RBFOX1: variants seen among roughly 807,000 people sequenced by gnomAD.
The protein encoded by RBFOX1 is RNA binding protein fox-1 homolog 1.
A neutral mutation model predicts 57.7 loss-of-function variants in RBFOX1; 8 were observed. The ratio of observed to expected loss-of-function variants is 0.14; its 90% CI spans 0.08 to 0.25. RBFOX1 has a LOEUF of 0.25. Among genes scored for constraint, RBFOX1 ranks in the 10% least tolerant of loss-of-function variants. The probability of loss-of-function intolerance (pLI) is 1.00; values close to 1 mark genes in which losing one functional copy is unlikely to be tolerated. For missense variants in RBFOX1, 611 were observed against 548.5 expected (o/e 1.11, Z -1.14); for synonymous variants, 326 against 222.4 (o/e 1.47, Z -4.15).
intron 4 of RBFOX1, among the ~76,000 whole-genome samples, chr16:7,413,007 A>G (rs1364572297): frequency 2.6e-5 from 4 of 152,316 alleles, no homozygotes; most frequent in African/African-American, 7.2e-5. Flanking sequence ...ACGCCACTGC[A>G]CTCCAGCCCG....
At chr16:5,702,304 T>C (rs1006818964) in intron 3 of RBFOX1, among the ~76,000 whole-genome samples, 2 of 152,170 alleles carry the variant, frequency 1.3e-5, no homozygotes, top group African/African-American at 4.8e-5. Flanking sequence ...CAAAAGGGGA[T>C]GTGCCCCACA....
At chr16:6,924,851 C>G (rs1166152707) in intron 3 of RBFOX1, among the ~76,000 whole-genome samples, 1 of 125,722 alleles carries the variant, frequency 8.0e-6, no homozygotes, top group Admixed American at 8.9e-5. Flanking sequence ...CCCTACCCCA[C>G]AACAGTCCCT....
At chr16:7,669,218 T>A (rs1410215715) in intron 13 of RBFOX1, among the ~76,000 whole-genome samples, 1 of 152,072 alleles carries the variant, frequency 6.6e-6, no homozygotes, top group Non-Finnish European at 1.5e-5. Flanking sequence ...AAGCTATAGG[T>A]TTTATGAGGC....
intron 4 of RBFOX1, among the ~76,000 whole-genome samples, chr16:7,488,819 T>A (rs76758698): frequency 1.3e-5 from 2 of 152,194 alleles, no homozygotes; most frequent in Admixed American, 6.5e-5. Flanking sequence ...TCCATCCATC[T>A]ATCCATCTAT....
At chr16:5,298,459 C>T (rs2063722523) in intron 1 of RBFOX1, among the ~76,000 whole-genome samples, 1 of 71,712 alleles carries the variant, frequency 1.4e-5, no homozygotes, top group African/African-American at 6.6e-5. Context: ...CCCCTCCTTT[C>T]CCCTCCCTTC....
intron 1 of RBFOX1, among the ~76,000 whole-genome samples, chr16:5,399,984 A>T (rs80116122): frequency 6.6e-6 from 1 of 152,014 alleles, no homozygotes; most frequent in Non-Finnish European, 1.5e-5. Flanking sequence ...CTGTCTAACC[A>T]TATGTTTGCC....
intron 3 of RBFOX1, among the ~76,000 whole-genome samples, chr16:7,048,193 T>G (rs999727626): frequency 1.3e-5 from 2 of 151,196 alleles, no homozygotes; most frequent in Non-Finnish European, 3.0e-5. Context: ...ATTTTATTTT[T>G]ATTTTTTTAA....
intron 3 of RBFOX1, among the ~76,000 whole-genome samples, chr16:6,990,447 C>G (rs2091237264): frequency 6.6e-6 from 1 of 152,062 alleles, no homozygotes; most frequent in African/African-American, 2.4e-5. Context: ...ATCGCTTGAA[C>G]CTGGGAGTTG....
chr16:5,252,856 C>T (rs1567237554), intron 1 of RBFOX1, among the ~76,000 whole-genome samples: 3 of 152,214 alleles, frequency 2.0e-5, no homozygotes, highest in Non-Finnish European at 4.4e-5. Flanking sequence ...CCAGAAAACC[C>T]AGGCAACAGC....
At chr16:6,906,470 T>C (rs977101735) in intron 3 of RBFOX1, among the ~76,000 whole-genome samples, 21 of 152,250 alleles carry the variant, frequency 1.4e-4, no homozygotes, top group African/African-American at 4.8e-4. Context: ...TTGAAATAAT[T>C]TGAAATAAGA....
At chr16:6,203,188 G>A (rs1254310868) in intron 1 of RBFOX1, among the ~76,000 whole-genome samples, 1 of 152,046 alleles carries the variant, frequency 6.6e-6, no homozygotes, top group Non-Finnish European at 1.5e-5. Flanking sequence ...ACATTATACA[G>A]GAGTTCTCCA....
At chr16:6,656,450 C>A (rs565640780) in intron 3 of RBFOX1, among the ~76,000 whole-genome samples, 1 of 152,074 alleles carries the variant, frequency 6.6e-6, no homozygotes, top group African/African-American at 2.4e-5. Flanking sequence ...CTCCACTCCA[C>A]CTATGTGAAC....
intron 4 of RBFOX1, among the ~76,000 whole-genome samples, chr16:7,133,878 A>G (rs2071194173): frequency 6.6e-6 from 1 of 152,242 alleles, no homozygotes. Flanking sequence ...AATCCAAAAA[A>G]TATACAGCTA....
intron 4 of RBFOX1, among the ~76,000 whole-genome samples, chr16:5,969,132 C>T (rs2059909236): frequency 6.6e-6 from 1 of 151,998 alleles, no homozygotes; most frequent in Admixed American, 6.5e-5. Context: ...GTATCCCTTT[C>T]TCAATGCCTG....
At chr16:6,136,608 C>T (rs1186649463) in intron 1 of RBFOX1, among the ~76,000 whole-genome samples, 1 of 152,132 alleles carries the variant, frequency 6.6e-6, no homozygotes, top group Non-Finnish European at 1.5e-5. Context: ...GTAAATTATA[C>T]ATTTGCAAGT....
chr16:7,357,195 GT>G (rs2097232021), intron 4 of RBFOX1, among the ~76,000 whole-genome samples: 1 of 150,544 alleles, frequency 6.6e-6, no homozygotes, highest in South Asian at 2.1e-4. Context: ...CATACACGCA[GT>G]TTTGAAATCA....
chr16:6,882,410 C>A (rs1212813238), intron 3 of RBFOX1, among the ~76,000 whole-genome samples: 1 of 152,018 alleles, frequency 6.6e-6, no homozygotes, highest in Non-Finnish European at 1.5e-5. Flanking sequence ...GCCTGGCCAA[C>A]ATGATGAAAC....
chr16:6,169,146 C>A (rs574753629), intron 1 of RBFOX1, among the ~76,000 whole-genome samples: 44 of 152,242 alleles, frequency 2.9e-4, no homozygotes, highest in African/African-American at 9.4e-4. Flanking sequence ...TTGCATTGAT[C>A]TTGGGGTCAT....
intron 3 of RBFOX1, among the ~76,000 whole-genome samples, chr16:7,010,588 C>T (rs2093608438): frequency 1.3e-5 from 2 of 151,786 alleles, no homozygotes; most frequent in Admixed American, 6.6e-5. Context: ...TTTTCTCTGT[C>T]ACCCAGGCTA....
Sources: allele counts gnomAD v4.1 joint callset (sites outside exome capture counted in the v4.1 genomes callset), GRCh38; gene constraint gnomAD v4.1.1; transcripts MANE v1.5; gene names NCBI Gene and HGNC (gene_info 2026-07-23, HGNC 2026-07-21).